RAB3IL1: variants seen among roughly 807,000 people sequenced by gnomAD.
RAB3IL1 encodes guanine nucleotide exchange factor for Rab-3A.
RAB3IL1 carries 37 observed loss-of-function variants against 49.2 expected under a neutral mutation model. The observed-to-expected ratio is 0.75, with a 90% CI of 0.58 to 0.99. The LOEUF (loss-of-function observed/expected upper bound fraction) is 0.99, where lower values mean the gene tolerates loss of function less well. Among genes scored for constraint, RAB3IL1 ranks in the 50% least tolerant of loss-of-function variants. The pLI, the probability that RAB3IL1 is intolerant of heterozygous loss-of-function variation, is 0.00. For missense variants in RAB3IL1, 484 were observed against 513.0 expected, an observed-to-expected ratio of 0.94 and a Z score of 0.55; for synonymous variants, 193 against 213.9, an observed-to-expected ratio of 0.90 and a Z score of 0.85.
Position 61,917,369 on chromosome 11 carries a change from C to T in RAB3IL1, c.-2G>A. ...CGCGCGGACCTACCCGCTCCACATC[C>T]CGGCGCCTCGGGGCGCCCAGGCGTC... On this transcript the variant is annotated 5_prime_UTR_variant, in exon 1 of 10. Transcript: ENST00000394836. The T allele has an allele frequency of 8.0e-7, 1 of 1,256,252 alleles. No homozygotes were observed. Among genetic ancestry groups the T allele is most frequent in the Non-Finnish European group, 1.0e-6 (1 of 1,002,550 alleles). The allele number at this position is 1,256,252 out of a possible 1,614,324, so 77.8% of individuals were successfully genotyped here. A position where few individuals can be genotyped will look rare whatever the true frequency, so the allele number is the denominator to read the frequency against.
intron 7 of RAB3IL1, 62 bp downstream of exon 7, chr11:61,904,484 A>G (rs174472): frequency 0.45 from 666,788 of 1,477,988 alleles, 159,600 homozygotes; most frequent in East Asian, 0.91. Flanking sequence ...TCGGCACAGT[A>G]AACACACGGC....
chr11:61,927,088 C>A, the RAB3IL1 span, among the ~76,000 whole-genome samples: 2 of 152,198 alleles, frequency 1.3e-5, no homozygotes, highest in African/African-American at 4.8e-5. Context: ...AGATGATCCA[C>A]CCGCCTTGGC....
At chr11:61,934,319 T>TACACACACAC in the RAB3IL1 span, among the ~76,000 whole-genome samples, 1,206 of 126,468 alleles carry the variant, frequency 9.5e-3, 12 homozygotes, top group South Asian at 0.022. Flanking sequence ...TGAGTAAATA[T>TACACACACAC]ACACACACAC....
intron 1 of RAB3IL1, 93 bp from the exon 2 acceptor site, chr11:61,908,399 C>T: frequency 7.9e-7 from 1 of 1,273,062 alleles, no homozygotes; most frequent in Non-Finnish European, 1.0e-6. Context: ...ATGTGCCTGC[C>T]ACTTGAGCCT....
upstream of RAB3IL1, among the ~76,000 whole-genome samples, chr11:61,918,886 G>A (rs1939820334): frequency 1.3e-5 from 2 of 152,182 alleles, no homozygotes. Context: ...TCACTCAGCA[G>A]GGCAGTTGTT....
chr11:61,903,527 CTTTT>C (rs531045299), intron 7 of RAB3IL1, among the ~76,000 whole-genome samples: 1 of 144,728 alleles, frequency 6.9e-6, no homozygotes, highest in South Asian at 2.2e-4. Context: ...CTATTGATGA[CTTTT>C]TTTTTTTTTT....
intron 1 of RAB3IL1, among the ~76,000 whole-genome samples, chr11:61,910,555 G>A (rs1235261088): frequency 6.6e-6 from 1 of 152,204 alleles, no homozygotes; most frequent in African/African-American, 2.4e-5. Flanking sequence ...CCTGCAGGAG[G>A]TGCTCTAAGA....
intron 7 of RAB3IL1, among the ~76,000 whole-genome samples, chr11:61,902,752 G>A (rs1938985920): frequency 6.6e-6 from 1 of 152,224 alleles, no homozygotes; most frequent in Non-Finnish European, 1.5e-5. Context: ...AAGCTGAGCT[G>A]TACCCCTAGA....
chr11:61,919,995 T>C (rs763892333), upstream of RAB3IL1: 372 of 1,207,502 alleles, frequency 3.1e-4, no homozygotes, highest in Non-Finnish European at 3.8e-4. Context: ...GCCCTGAAGC[T>C]TGCCAAGACT....
intron 1 of RAB3IL1, among the ~76,000 whole-genome samples, chr11:61,914,622 G>A (rs982237976): frequency 6.6e-6 from 1 of 152,098 alleles, no homozygotes; most frequent in Non-Finnish European, 1.5e-5. Flanking sequence ...TGGAGTTCAG[G>A]GCCCATGCTC....
chr11:61,935,256 C>T, the RAB3IL1 span, among the ~76,000 whole-genome samples: 2 of 151,874 alleles, frequency 1.3e-5, no homozygotes, highest in African/African-American at 4.8e-5. Context: ...CCCATCTCTA[C>T]TAAAAATACA....
At chr11:61,945,119 G>A in the RAB3IL1 span, among the ~76,000 whole-genome samples, 6 of 152,164 alleles carry the variant, frequency 3.9e-5, no homozygotes, top group Non-Finnish European at 7.3e-5. Flanking sequence ...GCAGCCTGCC[G>A]TCAGCCCATT....
At chr11:61,929,800 G>T in the RAB3IL1 span, among the ~76,000 whole-genome samples, 8 of 151,036 alleles carry the variant, frequency 5.3e-5, no homozygotes, top group African/African-American at 1.7e-4. Context: ...TGGCCAAGAT[G>T]GTCTCGATCT....
chr11:61,933,521 TAG>T, the RAB3IL1 span, among the ~76,000 whole-genome samples: 2 of 152,154 alleles, frequency 1.3e-5, no homozygotes, highest in Admixed American at 6.5e-5. Context: ...TTCTGTTGTT[TAG>T]AGTCACGTAG....
chr11:61,905,010 C>CAGCA, intron 5 of RAB3IL1, 128 bp from the exon 6 acceptor site: 2 of 703,136 alleles, frequency 2.8e-6, no homozygotes, highest in Non-Finnish European at 4.8e-6. Context: ...GGTCGATCCC[C>CAGCA]AGCAGCCGTG....
Position 61,899,456 on chromosome 11 carries a change from G to C in RAB3IL1, c.1000-76C>G, listed in dbSNP as rs1729999115. ...CCCCTGACAGGCGGATCTGAGTCCA[G>C]AGCAGGAGGCCCCAGGTCCCTGCAG... On this transcript the variant is annotated intron_variant, in intron 8 of 9. Transcript: ENST00000394836. The C allele has an allele frequency of 4.9e-6, 7 of 1,439,022 alleles. No individual in the cohort carries two copies. In the Admixed American group the frequency reaches 5.6e-5, roughly 11 times the overall value. 89.1% of individuals were successfully genotyped at this position (1,439,022 alleles called of 1,614,324 possible).
intron 7 of RAB3IL1, 126 bp downstream of exon 7, chr11:61,904,420 G>T: frequency 1.0e-6 from 1 of 968,996 alleles, no homozygotes; most frequent in Non-Finnish European, 1.6e-6. Context: ...TCCTTGCCCT[G>T]TGGGGGCAGC....
chr11:61,902,728 ACAGAC>A (rs1468983377), intron 7 of RAB3IL1, among the ~76,000 whole-genome samples, 187 bp from the exon 8 acceptor site: 3 of 152,180 alleles, frequency 2.0e-5, no homozygotes, highest in Non-Finnish European at 4.4e-5. Flanking sequence ...CATCCCTGGG[ACAGAC>A]CTCGAACTAA....
intron 8 of RAB3IL1, among the ~76,000 whole-genome samples, chr11:61,901,548 C>T (rs1244068916): frequency 6.6e-6 from 1 of 152,198 alleles, no homozygotes; most frequent in Admixed American, 6.5e-5. Context: ...CAGAGGGGGG[C>T]GATGTCATCC....
Sources: gnomAD v4.1 joint callset for allele counts (sites outside exome capture counted in the v4.1 genomes callset) on GRCh38, gnomAD v4.1.1 for gene constraint, MANE v1.5 for transcripts, NCBI Gene and HGNC (gene_info 2026-07-23, HGNC 2026-07-21) for gene names.